Variants in NFATC1 observed in about 807,000 individuals in gnomAD.
NFATC1 encodes the protein nuclear factor of activated T-cells, cytoplasmic 1.
In NFATC1, 22 loss-of-function variants were observed where a neutral mutation model predicts 76.0. The ratio of observed to expected loss-of-function variants is 0.29; its 90% CI spans 0.21 to 0.41. The LOEUF (loss-of-function observed/expected upper bound fraction) is 0.41, where lower values mean the gene tolerates loss of function less well. Ranked by LOEUF, NFATC1 falls within the 10% of genes least tolerant of loss-of-function variation. NFATC1 has a pLI of 1.00. For missense variants in NFATC1, 1,357 were observed against 1,337.7 expected, an observed-to-expected ratio of 1.01 and a Z score of -0.23; for synonymous variants, 704 against 613.1, an observed-to-expected ratio of 1.15 and a Z score of -2.19.
At chr18:79,402,010 C>T (rs901602732) in intron 1 of NFATC1, among the ~76,000 whole-genome samples, 3 of 152,182 alleles carry the variant, frequency 2.0e-5, no homozygotes, top group Admixed American at 2.0e-4. Flanking sequence ...GCTGGGTCTC[C>T]CCGGCCTCCC....
intron 1 of NFATC1, among the ~76,000 whole-genome samples, chr18:79,407,454 A>C (rs1281537837): frequency 6.6e-6 from 1 of 151,978 alleles, no homozygotes; most frequent in Non-Finnish European, 1.5e-5. Flanking sequence ...TGATTTATTG[A>C]TTTATTGATT....
chr18:79,497,237 T>C (rs1344011828), intron 9 of NFATC1: 4 of 152,214 alleles, frequency 2.6e-5, no homozygotes, highest in Non-Finnish European at 4.4e-5. Flanking sequence ...GCAACAAAAA[T>C]ACAGCATCAC....
At chr18:79,449,083 A>G (rs1018198909) in intron 4 of NFATC1, 99 bp downstream of exon 4, 25 of 1,192,806 alleles carry the variant, frequency 2.1e-5, no homozygotes, top group Non-Finnish European at 2.6e-5. Flanking sequence ...CCGCACTTCC[A>G]GGCTGCGTGG....
chr18:79,479,257 A>G (rs1167982894), intron 8 of NFATC1, among the ~76,000 whole-genome samples: 1 of 152,212 alleles, frequency 6.6e-6, no homozygotes, highest in Non-Finnish European at 1.5e-5. Context: ...CTCATGGCTG[A>G]TATCAGGAGG....
At chr18:79,461,887 C>G (rs916327537) in intron 7 of NFATC1, among the ~76,000 whole-genome samples, 9 of 152,234 alleles carry the variant, frequency 5.9e-5, no homozygotes, top group South Asian at 2.1e-4. Context: ...GCGCCGACCT[C>G]CCCTGTGATG....
Position 79,524,873 on chromosome 18 carries a change from G to T in NFATC1, c.2783-2655G>T, listed in dbSNP as rs1472670690. Among the ~76,000 whole-genome samples the T allele has an allele frequency of 2.0e-5, 3 of 151,950 alleles. No homozygotes were observed. Among genetic ancestry groups the T allele is most frequent in the African/African-American group, 4.8e-5 (2 of 41,362 alleles). ...CACCCTCAGCGACGCGCCCTCCTGT[G>T]CCCGCGGGGAACAAGACGGCTCTCG... On this transcript the variant is annotated intron_variant, in intron 9 of 9. Transcript: ENST00000427363. This position sits in a 1 kb window ranked among gnomAD's most constrained non-coding sequence, Gnocchi z 7.2.
At chr18:79,426,538 G>A (rs2086342075) in intron 2 of NFATC1, among the ~76,000 whole-genome samples, 2 of 152,136 alleles carry the variant, frequency 1.3e-5, no homozygotes, top group Admixed American at 6.5e-5. Flanking sequence ...GTTTCCATTT[G>A]ACCTGTGGGC....
chr18:79,519,789 G>A (rs544680521), intron 9 of NFATC1, among the ~76,000 whole-genome samples: 24 of 152,298 alleles, frequency 1.6e-4, no homozygotes, highest in African/African-American at 5.1e-4. Flanking sequence ...CTGGGTCTCC[G>A]TCCGTGAAGG....
chr18:79,470,111 C>T (rs1034525869), intron 8 of NFATC1: 9 of 535,514 alleles, frequency 1.7e-5, no homozygotes, highest in African/African-American at 4.1e-5. Flanking sequence ...CCAGGACCTG[C>T]GTCCTCCGTG....
At position 79,410,326 on chromosome 18, in the gene NFATC1, G is replaced by GC. The variant is rs2085620974; in HGVS notation, c.128-75dup. Reference sequence around the variant, plus strand: ...CGTTGGTCGAGGCCGGGGGTTGCTGGCCGGCCCTGAGTTCATGGGTTTCTG... The same window carrying GC: ...CGTTGGTCGAGGCCGGGGGTTGCTGGCCCGGCCCTGAGTTCATGGGTTTCTG... On this transcript the variant is annotated intron_variant, in intron 1 of 9. Transcript: ENST00000427363. The surrounding 1 kb of genome is among the most constrained non-coding windows in gnomAD (Gnocchi z 6.7). 18 of 1,525,214 alleles carry GC rather than the reference G, an allele frequency of 1.2e-5. No homozygotes were observed. Among genetic ancestry groups the GC allele is most frequent in the Non-Finnish European group, 1.6e-5 (18 of 1,141,684 alleles). 94.5% of individuals were successfully genotyped at this position (1,525,214 alleles called of 1,614,324 possible). A position where few individuals can be genotyped will look rare whatever the true frequency, so the allele number is the denominator to read the frequency against.
intron 1 of NFATC1, among the ~76,000 whole-genome samples, chr18:79,407,734 C>A (rs180917558): frequency 2.0e-5 from 3 of 152,220 alleles, no homozygotes; most frequent in Non-Finnish European, 4.4e-5. Flanking sequence ...CGTGAGCCAC[C>A]GCGCCTGGCC....
At chr18:79,422,169 T>G (rs1358331549) in intron 2 of NFATC1, 1 of 152,214 alleles carries the variant, frequency 6.6e-6, no homozygotes, top group African/African-American at 2.4e-5. Context: ...CTCTGAGAGC[T>G]GAGCCGGGCC....
At chr18:79,525,532 C>T (rs902853206) in intron 9 of NFATC1, among the ~76,000 whole-genome samples, 1 of 149,958 alleles carries the variant, frequency 6.7e-6, no homozygotes, top group African/African-American at 2.5e-5. Flanking sequence ...GTCCTCCCCA[C>T]GTCCCACCGT....
chr18:79,473,778 C>T (rs2088893700), intron 8 of NFATC1, among the ~76,000 whole-genome samples: 1 of 147,814 alleles, frequency 6.8e-6, no homozygotes, highest in Non-Finnish European at 1.5e-5. Flanking sequence ...ACGCTGTCGA[C>T]ATAAACCTGA....
chr18:79,448,468 G>A (rs766855128), intron 3 of NFATC1: 1 of 399,758 alleles, frequency 2.5e-6, no homozygotes, highest in East Asian at 4.8e-5. Flanking sequence ...ATGGCTCAGC[G>A]AGGGCTCCGC....
At chr18:79,520,535 G>T (rs552812363) in intron 9 of NFATC1, among the ~76,000 whole-genome samples, 3,713 of 143,308 alleles carry the variant, frequency 0.026, 85 homozygotes, top group Admixed American at 0.051. Context: ...TGTGTGTGGG[G>T]GGGGGAGGGT....
chr18:79,505,763 G>A (rs1352636285), intron 9 of NFATC1, among the ~76,000 whole-genome samples: 1 of 146,504 alleles, frequency 6.8e-6, no homozygotes, highest in African/African-American at 2.7e-5. Context: ...TGGTGGATGA[G>A]ACCCTTGGGT....
chr18:79,520,612 TG>T lies in NFATC1; in HGVS notation c.2783-6908del, dbSNP rs535436795. Among the ~76,000 whole-genome samples the T allele has an allele frequency of 9.6e-3, 504 of 52,662 alleles. 49 individuals carry two copies. Among genetic ancestry groups the T allele is most frequent in the Middle Eastern group, 0.022 (1 of 46 alleles). 34.5% of individuals were successfully genotyped at this position (52,662 alleles called of 152,430 possible). On this transcript the variant is annotated intron_variant, in intron 9 of 9. Coordinates refer to ENST00000427363, the MANE Select transcript of NFATC1 (RefSeq NM_001278669.2). The stretch of plus-strand genomic sequence containing the variant: ...GCTGATGTGTGTGTCTGTGTGTGTG[TG>T]GGGGGGGCATCCACTGATGTGTGTG...
At chr18:79,400,600 C>CT in intron 1 of NFATC1, 1 of 907,120 alleles carries the variant, frequency 1.1e-6, no homozygotes, top group Non-Finnish European at 1.5e-6. Flanking sequence ...GCGCCCGGGA[C>CT]CGAGGGGCTA....
Sources: gnomAD v4.1 joint callset for allele counts (sites outside exome capture counted in the v4.1 genomes callset) on GRCh38, gnomAD v4.1.1 for gene constraint, Gnocchi (gnomAD v3.1) non-coding constraint, MANE v1.5 for transcripts, NCBI Gene and HGNC (gene_info 2026-07-23, HGNC 2026-07-21) for gene names.